The following DEXI variants were observed in gnomAD, a reference collection of about 807,000 sequenced individuals.
The protein encoded by DEXI is dexamethasone-induced protein.
A neutral mutation model predicts 2.5 loss-of-function variants in DEXI; 2 were observed. The observed-to-expected ratio is 0.81, with a 90% CI of 0.33 to 2.55. The LOEUF is 2.55. Among genes scored for constraint, DEXI ranks in the 30% most tolerant of loss-of-function variants. DEXI has a pLI of 0.11. For missense variants in DEXI, 108 were observed against 130.3 expected (o/e 0.83, Z 0.83); for synonymous variants, 71 against 68.7 (o/e 1.03, Z -0.17).
rs185838558 is a variant in DEXI, at chr16:10,937,201, G to A, written c.*149+4368C>T. ...CTCATGTCAGGAGCAGAGCTGGAGA[G>A]GTGGCCAGGCCTGGGGGTATACTTG... On this transcript the variant is annotated intron_variant, in intron 1 of 1. Coordinates refer to ENST00000331808, the MANE Select transcript of DEXI (RefSeq NM_014015.4). The surrounding 1 kb of genome is among the most constrained non-coding windows in gnomAD (Gnocchi z 4.2). The A allele has an allele frequency of 2.0e-5, 3 of 152,420 alleles. No homozygotes were observed. The highest frequency in any genetic ancestry group is 3.9e-4 in the East Asian group (2 of 5,186). 9.4% of individuals were successfully genotyped at this position (152,420 alleles called of 1,614,324 possible).
At chr16:10,932,653 A>T (rs1370890453) in intron 1 of DEXI, 3 of 143,316 alleles carry the variant, frequency 2.1e-5, no homozygotes, top group African/African-American at 7.7e-5. Flanking sequence ...AAACAAAATC[A>T]CACACACACA....
In DEXI at chr16:10,940,741, AGTGG is replaced by A. The variant is rs2041091329; in HGVS notation, c.*149+824_*149+827del. 6.6e-6 allele frequency: 1 copy of A among 152,378 alleles called. No individual in the cohort carries two copies. Among genetic ancestry groups the A allele is most frequent in the Non-Finnish European group, 1.5e-5 (1 of 68,168 alleles). 9.4% of individuals were successfully genotyped at this position (152,378 alleles called of 1,614,324 possible). A position where few individuals can be genotyped will look rare whatever the true frequency, so the allele number is the denominator to read the frequency against. The stretch of plus-strand genomic sequence containing the variant: ...TCATTTCCCTACCTCTCACATACAC[AGTGG>A]GCTGGATGCTGGATGCAAAGCTCCC... On this transcript the variant is annotated intron_variant, in intron 1 of 1. Transcript: ENST00000331808. This position sits in a 1 kb window ranked among gnomAD's most constrained non-coding sequence, Gnocchi z 4.2.
rs1014762508 is a variant in DEXI at position 10,940,039 on chromosome 16, G to A, written c.*149+1530C>T. 3 of 152,240 alleles carry A rather than the reference G, an allele frequency of 2.0e-5. No individual in the cohort carries two copies. Among genetic ancestry groups the A allele is most frequent in the African/African-American group, 2.4e-5 (1 of 41,448 alleles). 9.4% of individuals were successfully genotyped at this position (152,240 alleles called of 1,614,324 possible). A position where few individuals can be genotyped will look rare whatever the true frequency, so the allele number is the denominator to read the frequency against. ...ACACTCCCCCTGGCACTTGGTTCTC[G>A]CTAAGATGTTACTGAGCTCAACTGA... On this transcript the variant is annotated intron_variant, in intron 1 of 1. Transcript: ENST00000331808. This position sits in a 1 kb window ranked among gnomAD's most constrained non-coding sequence, Gnocchi z 4.2.
intron 1 of DEXI, chr16:10,933,170 C>T (rs2040871914): frequency 6.6e-6 from 1 of 152,230 alleles, no homozygotes; most frequent in African/African-American, 2.4e-5. Context: ...TGTAACCTTT[C>T]ATTCCAGCCA....
rs945224047 is a variant in DEXI at position 10,938,423 on chromosome 16, C to A, written c.*149+3146G>T. ...AGGTGCACCTGTTCATCTTGAGATT[C>A]ATCCTGGGCCCCACTGTGTGACATG... is the stretch of plus-strand genomic sequence containing the variant. On this transcript the variant is annotated intron_variant, in intron 1 of 1. Transcript: ENST00000331808. The surrounding 1 kb of genome is among the most constrained non-coding windows in gnomAD (Gnocchi z 4.9). The A allele has an allele frequency of 2.0e-5, 3 of 151,818 alleles. No homozygotes were observed. Among genetic ancestry groups the A allele is most frequent in the Admixed American group, 2.0e-4 (3 of 15,250 alleles). The allele number at this position is 151,818 out of a possible 1,614,324, so 9.4% of individuals were successfully genotyped here.
In DEXI at chr16:10,934,052, C is replaced by G. The variant is rs776645610; in HGVS notation, c.*150-4493G>C. ...AGAAATGATGACCACTTTCTCAAAC[C>G]TGGCTTCGGATTTGCACGTTGGCTG... On this transcript the variant is annotated intron_variant, in intron 1 of 1. Coordinates refer to ENST00000331808, the MANE Select transcript of DEXI (RefSeq NM_014015.4). The surrounding 1 kb of genome is among the most constrained non-coding windows in gnomAD (Gnocchi z 4.2). 1 of 152,234 alleles carries G rather than the reference C, an allele frequency of 6.6e-6. No homozygotes were observed. The highest frequency in any genetic ancestry group is 1.5e-5 in the Non-Finnish European group (1 of 68,050). The allele number at this position is 152,234 out of a possible 1,614,324, so 9.4% of individuals were successfully genotyped here. A position where few individuals can be genotyped will look rare whatever the true frequency, so the allele number is the denominator to read the frequency against.
chr16:10,932,692 T>C (rs1372927340), intron 1 of DEXI: 1 of 93,358 alleles, frequency 1.1e-5, no homozygotes, highest in African/African-American at 4.0e-5. Flanking sequence ...AAAAAAAAAA[T>C]TCTTTTTTTT....
Position 10,941,669 on chromosome 16 carries a change from G to A in DEXI, c.*49C>T. 1 of 1,559,782 alleles carries A rather than the reference G, an allele frequency of 6.4e-7. No individual in the cohort carries two copies. The highest frequency in any genetic ancestry group is 1.2e-5 in the South Asian group (1 of 81,990). On this transcript the variant is annotated 3_prime_UTR_variant, in exon 1 of 2. Transcript: ENST00000331808. This position sits in a 1 kb window ranked among gnomAD's most constrained non-coding sequence, Gnocchi z 6.4. Reference sequence around the variant, plus strand: ...GGCATGATCTGGGCGGCTGGTCCAGGGCATGGGTTGCGGATCGTGTAGGGA... The same window carrying A: ...GGCATGATCTGGGCGGCTGGTCCAGAGCATGGGTTGCGGATCGTGTAGGGA...
At position 10,941,533 on chromosome 16, in the gene DEXI, C is replaced by T. The variant is rs2041102167; in HGVS notation, c.*149+36G>A. 2 of 1,407,066 alleles carry T rather than the reference C, an allele frequency of 1.4e-6. No homozygotes were observed. Among genetic ancestry groups the T allele is most frequent in the African/African-American group, 1.5e-5 (1 of 68,394 alleles). 87.2% of individuals were successfully genotyped at this position (1,407,066 alleles called of 1,614,324 possible). A position where few individuals can be genotyped will look rare whatever the true frequency, so the allele number is the denominator to read the frequency against. On this transcript the variant is annotated intron_variant, in intron 1 of 1. Coordinates refer to ENST00000331808, the MANE Select transcript of DEXI (RefSeq NM_014015.4). This position sits in a 1 kb window ranked among gnomAD's most constrained non-coding sequence, Gnocchi z 6.4. ...TCCTCCCTCTCCCTTGCTAGCGCCC[C>T]AACCCGCCCTCATCCTGTTCAGAGA...
In DEXI at chr16:10,938,170, C is replaced by A. The variant is rs768222579; in HGVS notation, c.*149+3399G>T. The A allele has an allele frequency of 5.9e-5, 9 of 152,106 alleles. No homozygotes were observed. The highest frequency in any genetic ancestry group is 1.3e-4 in the Admixed American group (2 of 15,262). 9.4% of individuals were successfully genotyped at this position (152,106 alleles called of 1,614,324 possible). A position where few individuals can be genotyped will look rare whatever the true frequency, so the allele number is the denominator to read the frequency against. On this transcript the variant is annotated intron_variant, in intron 1 of 1. Coordinates refer to ENST00000331808, the MANE Select transcript of DEXI (RefSeq NM_014015.4). This position sits in a 1 kb window ranked among gnomAD's most constrained non-coding sequence, Gnocchi z 4.9. ...TGTATATCTCACCTAATCCTCACAA[C>A]AAGGGAGATTTTCATTATTTCCATC...
rs2041111325 is a variant in DEXI at position 10,942,166 on chromosome 16, C to A, written c.-161G>T. ...TGTCCCCTGGCAATTGCGCCCCGAC[C>A]CCCGAAATGCGCCGGGCGGGTCACC... is the stretch of plus-strand genomic sequence containing the variant. On this transcript the variant is annotated 5_prime_UTR_variant, in exon 1 of 2. Transcript: ENST00000331808. This position sits in a 1 kb window ranked among gnomAD's most constrained non-coding sequence, Gnocchi z 5.0. 3.7e-6 allele frequency: 2 copies of A among 539,136 alleles called. No homozygotes were observed. The highest frequency in any genetic ancestry group is 4.6e-5 in the Admixed American group (1 of 21,686). The allele number at this position is 539,136 out of a possible 1,614,324, so 33.4% of individuals were successfully genotyped here. A position where few individuals can be genotyped will look rare whatever the true frequency, so the allele number is the denominator to read the frequency against.
chr16:10,930,223 C>T, intron 1 of DEXI: 1 of 152,362 alleles, frequency 6.6e-6, no homozygotes, highest in East Asian at 1.9e-4. Context: ...AGCCTCATCT[C>T]CCAGCTCACT....
At position 10,940,615 on chromosome 16, in the gene DEXI, C is replaced by T; in HGVS notation, c.*149+954G>A. 6.6e-6 allele frequency: 1 copy of T among 152,628 alleles called. No individual in the cohort carries two copies. The highest frequency in any genetic ancestry group is 1.5e-5 in the Non-Finnish European group (1 of 68,278). The allele number at this position is 152,628 out of a possible 1,614,324, so 9.5% of individuals were successfully genotyped here. ...GCCCTGTGACCCTCACCAGACCTGG[C>T]AGCTGCCTGACAGCTTGTCTGGCTC... On this transcript the variant is annotated intron_variant, in intron 1 of 1. Coordinates refer to ENST00000331808, the MANE Select transcript of DEXI (RefSeq NM_014015.4). This position sits in a 1 kb window ranked among gnomAD's most constrained non-coding sequence, Gnocchi z 4.2.
intron 1 of DEXI, chr16:10,936,586 T>C (rs2041027993): frequency 6.6e-6 from 1 of 152,224 alleles, no homozygotes; most frequent in African/African-American, 2.4e-5. Flanking sequence ...AAGTGTGAAA[T>C]TACTTCATAA....
chr16:10,932,915 C>A (rs11860058), intron 1 of DEXI: 9,015 of 152,002 alleles, frequency 0.059, 429 homozygotes, highest in African/African-American at 0.13. Flanking sequence ...AATCTCATAA[C>A]GTTTTAAGAA....
In DEXI at chr16:10,940,301, C is replaced by T. The variant is rs1241692193; in HGVS notation, c.*149+1268G>A. ...AGCCTTCATGGGTGGGATTAATGCC[C>T]TTATAAGAACAGTAAGAGATAAATG... is the stretch of plus-strand genomic sequence containing the variant. On this transcript the variant is annotated intron_variant, in intron 1 of 1. Coordinates refer to ENST00000331808, the MANE Select transcript of DEXI (RefSeq NM_014015.4). This position sits in a 1 kb window ranked among gnomAD's most constrained non-coding sequence, Gnocchi z 4.2. 2 of 152,210 alleles carry T rather than the reference C, an allele frequency of 1.3e-5. No individual in the cohort carries two copies. Among genetic ancestry groups the T allele is most frequent in the Non-Finnish European group, 2.9e-5 (2 of 68,046 alleles). The allele number at this position is 152,210 out of a possible 1,614,324, so 9.4% of individuals were successfully genotyped here.
rs575713855 is a variant in DEXI, at chr16:10,940,650, C to T, written c.*149+919G>A. ...ACAGCTTGTCTGGCTCACGTGTTCT[C>T]TCTAATTGAGTCTAGCTGCCTCTCT... On this transcript the variant is annotated intron_variant, in intron 1 of 1. Coordinates refer to ENST00000331808, the MANE Select transcript of DEXI (RefSeq NM_014015.4). The surrounding 1 kb of genome is among the most constrained non-coding windows in gnomAD (Gnocchi z 4.2). 6.6e-6 allele frequency: 1 copy of T among 152,374 alleles called. No individual in the cohort carries two copies. The highest frequency in any genetic ancestry group is 2.4e-5 in the African/African-American group (1 of 41,454). 9.4% of individuals were successfully genotyped at this position (152,374 alleles called of 1,614,324 possible).
chr16:10,934,991 G>C lies in DEXI; in HGVS notation c.*150-5432C>G, dbSNP rs1053039933. ...CTTCCTGGGCTAGAGCCCCTTCAGG[G>C]TCTGACACGCCATTGACACTGACCA... On this transcript the variant is annotated intron_variant, in intron 1 of 1. Transcript: ENST00000331808. The surrounding 1 kb of genome is among the most constrained non-coding windows in gnomAD (Gnocchi z 4.2). 5 of 152,308 alleles carry C rather than the reference G, an allele frequency of 3.3e-5. 1 individual carries two copies. Among genetic ancestry groups the C allele is most frequent in the Admixed American group, 3.3e-4 (5 of 15,288 alleles). 9.4% of individuals were successfully genotyped at this position (152,308 alleles called of 1,614,324 possible).
In DEXI at chr16:10,942,136, C is replaced by A. The variant is rs1257048710; in HGVS notation, c.-131G>T. On this transcript the variant is annotated 5_prime_UTR_variant, in exon 1 of 2. Transcript: ENST00000331808. The surrounding 1 kb of genome is among the most constrained non-coding windows in gnomAD (Gnocchi z 5.0). ...AGCCCGACAGAAGCAGGGCCGGGCT[C>A]CAGATGTCCCCTGGCAATTGCGCCC... is the stretch of plus-strand genomic sequence containing the variant. 1 of 651,854 alleles carries A rather than the reference C, an allele frequency of 1.5e-6. No homozygotes were observed. The highest frequency in any genetic ancestry group is 2.3e-6 in the Non-Finnish European group (1 of 437,786). The allele number at this position is 651,854 out of a possible 1,614,324, so 40.4% of individuals were successfully genotyped here.
Sources: allele counts gnomAD v4.1 joint callset, GRCh38; gene constraint gnomAD v4.1.1; non-coding constraint Gnocchi (gnomAD v3.1); transcripts MANE v1.5; gene names NCBI Gene and HGNC (gene_info 2026-07-23, HGNC 2026-07-21).